Variants in GALNT13 observed in about 807,000 individuals in gnomAD.
The protein encoded by GALNT13 is polypeptide N-acetylgalactosaminyltransferase 13.
GALNT13 carries 28 observed loss-of-function variants against 64.2 expected under a neutral mutation model. The observed-to-expected ratio is 0.44, with a 90% CI of 0.32 to 0.60. GALNT13 has a LOEUF of 0.60. GALNT13 is among the 20% of genes least tolerant of loss of function. The probability of loss-of-function intolerance (pLI) is 0.05; values close to 1 mark genes in which losing one functional copy is unlikely to be tolerated. For synonymous variants in GALNT13, 214 were observed against 224.6 expected, an observed-to-expected ratio of 0.95 and a Z score of 0.42; for missense variants, 577 against 669.8, an observed-to-expected ratio of 0.86 and a Z score of 1.53.
At chr2:153,445,899 A>G in the GALNT13 span, among the ~76,000 whole-genome samples, 26 of 152,302 alleles carry the variant, frequency 1.7e-4, no homozygotes, top group South Asian at 2.1e-3. Context: ...ATTACTGTTA[A>G]GGAGTGGGAT....
chr2:153,422,884 G>C, the GALNT13 span, among the ~76,000 whole-genome samples: 1 of 151,710 alleles, frequency 6.6e-6, no homozygotes, highest in Non-Finnish European at 1.5e-5. Flanking sequence ...AACAATGACT[G>C]AAACAAGAAA....
the GALNT13 span, among the ~76,000 whole-genome samples, chr2:153,266,332 G>T: frequency 6.6e-6 from 1 of 152,138 alleles, no homozygotes; most frequent in Non-Finnish European, 1.5e-5. Flanking sequence ...CTTCCCTATT[G>T]TATCAACTAT....
At chr2:153,344,537 C>A in the GALNT13 span, among the ~76,000 whole-genome samples, 1 of 152,036 alleles carries the variant, frequency 6.6e-6, no homozygotes, top group African/African-American at 2.4e-5. Context: ...TGTCACCAGG[C>A]TGGTGTGCAG....
the GALNT13 span, among the ~76,000 whole-genome samples, chr2:153,254,233 T>C: frequency 1.3e-5 from 2 of 152,238 alleles, no homozygotes; most frequent in Non-Finnish European, 2.9e-5. Context: ...CCATTTCTTC[T>C]AGATTTTCTA....
the GALNT13 span, among the ~76,000 whole-genome samples, chr2:153,515,247 TG>T: frequency 6.6e-6 from 1 of 152,148 alleles, no homozygotes; most frequent in Non-Finnish European, 1.5e-5. Flanking sequence ...ACCATAACCC[TG>T]ATCTGGTCCC....
At chr2:153,250,105 A>G in the GALNT13 span, among the ~76,000 whole-genome samples, 1 of 152,240 alleles carries the variant, frequency 6.6e-6, no homozygotes. Context: ...CAGACAACCC[A>G]CAGAATGGGA....
At chr2:153,985,684 CT>C (rs1694753721) in intron 3 of GALNT13, among the ~76,000 whole-genome samples, 1 of 151,968 alleles carries the variant, frequency 6.6e-6, no homozygotes, top group Non-Finnish European at 1.5e-5. Context: ...TGCTTCTTAC[CT>C]GTCTTGGCCA....
the GALNT13 span, among the ~76,000 whole-genome samples, chr2:153,655,984 A>G: frequency 6.6e-6 from 1 of 152,062 alleles, no homozygotes; most frequent in African/African-American, 2.4e-5. Context: ...AAAAATTCCT[A>G]CTAGTATTTC....
At chr2:153,788,271 A>C in the GALNT13 span, among the ~76,000 whole-genome samples, 1 of 152,330 alleles carries the variant, frequency 6.6e-6, no homozygotes, top group Admixed American at 6.5e-5. Flanking sequence ...AAGACCGAAG[A>C]GATTGCAGGC....
the GALNT13 span, among the ~76,000 whole-genome samples, chr2:153,770,367 G>A: frequency 1.3e-5 from 2 of 152,140 alleles, no homozygotes; most frequent in Admixed American, 1.3e-4. Flanking sequence ...CTTGGTTATA[G>A]ATAGCCCTTT....
chr2:153,870,106 A>G (rs1156482569), upstream of GALNT13, among the ~76,000 whole-genome samples: 1 of 151,906 alleles, frequency 6.6e-6, no homozygotes, highest in African/African-American at 2.4e-5. Context: ...CAGGGCAGAA[A>G]CCAACCTGAC....
the GALNT13 span, among the ~76,000 whole-genome samples, chr2:153,845,663 CAGA>C: frequency 1.3e-5 from 2 of 151,966 alleles, no homozygotes; most frequent in Non-Finnish European, 2.9e-5. Context: ...TAGGGGTTCC[CAGA>C]AGGAGAGGAA....
the GALNT13 span, among the ~76,000 whole-genome samples, chr2:153,342,823 C>T: frequency 5.9e-5 from 9 of 152,248 alleles, no homozygotes; most frequent in African/African-American, 1.2e-4. Context: ...TCACAAATAA[C>T]GCAGGTCACT....
intron 4 of GALNT13, among the ~76,000 whole-genome samples, chr2:154,166,669 C>A (rs1685043431): frequency 6.6e-6 from 1 of 152,212 alleles, no homozygotes; most frequent in Non-Finnish European, 1.5e-5. Flanking sequence ...TATAAAAACA[C>A]ATGCACACAT....
At chr2:153,203,383 T>A in the GALNT13 span, among the ~76,000 whole-genome samples, 1 of 152,308 alleles carries the variant, frequency 6.6e-6, no homozygotes, top group South Asian at 2.1e-4. Context: ...AAAATAGATA[T>A]AAAAAATTGG....
the GALNT13 span, among the ~76,000 whole-genome samples, chr2:153,745,062 G>A: frequency 7.2e-5 from 11 of 152,116 alleles, no homozygotes; most frequent in African/African-American, 2.7e-4. Context: ...CAAATATAGT[G>A]AGAATTGATA....
chr2:153,424,712 T>C, the GALNT13 span, among the ~76,000 whole-genome samples: 2 of 151,878 alleles, frequency 1.3e-5, no homozygotes, highest in African/African-American at 4.8e-5. Flanking sequence ...TGGAAGAACT[T>C]GTCATACATA....
the GALNT13 span, among the ~76,000 whole-genome samples, chr2:153,274,697 A>C: frequency 6.6e-6 from 1 of 152,222 alleles, no homozygotes; most frequent in Non-Finnish European, 1.5e-5. Flanking sequence ...CTGGTCTTCT[A>C]TGTGGAAATG....
the GALNT13 span, among the ~76,000 whole-genome samples, chr2:153,176,288 G>A: frequency 1.3e-5 from 2 of 152,114 alleles, no homozygotes; most frequent in African/African-American, 2.4e-5. Flanking sequence ...GCTCTGGGGG[G>A]ATATGCTGTG....
Sources: allele counts gnomAD v4.1 joint callset (sites outside exome capture counted in the v4.1 genomes callset), GRCh38; gene constraint gnomAD v4.1.1; transcripts MANE v1.5; gene names NCBI Gene and HGNC (gene_info 2026-07-23, HGNC 2026-07-21).